Variants in DCDC1 observed in about 807,000 individuals in gnomAD.
DCDC1 encodes the protein doublecortin domain containing 1.
Under a neutral mutation model 178.3 loss-of-function variants are expected in DCDC1, and 200 were observed. That is an observed-to-expected ratio of 1.12 (90% CI 1.00 to 1.26). DCDC1 has a LOEUF of 1.26. Ranked by LOEUF, DCDC1 falls within the 50% of genes most tolerant of loss-of-function variation. DCDC1 has a pLI of 0.00. For synonymous variants in DCDC1, 690 were observed against 604.8 expected (o/e 1.14, Z -2.07); for missense variants, 1,983 against 1,749.2 (o/e 1.13, Z -2.38).
At chr11:30,970,093 G>A (rs963308292) in intron 20 of DCDC1, among the ~76,000 whole-genome samples, 1 of 152,218 alleles carries the variant, frequency 6.6e-6, no homozygotes, top group Non-Finnish European at 1.5e-5. Flanking sequence ...GGAATCTGGA[G>A]AGGATCCCCA....
intron 8 of DCDC1, among the ~76,000 whole-genome samples, chr11:31,251,943 G>T (rs1042896528): frequency 2.5e-4 from 38 of 152,108 alleles, no homozygotes. Flanking sequence ...AGTTGGGAAT[G>T]AAGAAACCAA....
At chr11:30,899,086 AT>A (rs1309126729) in intron 34 of DCDC1, among the ~76,000 whole-genome samples, 2 of 152,020 alleles carry the variant, frequency 1.3e-5, no homozygotes, top group African/African-American at 4.8e-5. Flanking sequence ...ACTTCTGAAG[AT>A]TTTAGTACTT....
chr11:30,913,500 G>GC (rs1250990360), intron 27 of DCDC1, among the ~76,000 whole-genome samples: 7 of 152,142 alleles, frequency 4.6e-5, no homozygotes, highest in African/African-American at 1.2e-4. Context: ...GTCCCACTGG[G>GC]CCCCCTGATG....
At chr11:30,911,625 G>A (rs966959016) in intron 27 of DCDC1, among the ~76,000 whole-genome samples, 2 of 152,182 alleles carry the variant, frequency 1.3e-5, no homozygotes, top group South Asian at 4.1e-4. Context: ...AGGATGAAGG[G>A]GCTCTCCTGC....
At chr11:31,333,468 T>A (rs900293979) in intron 2 of DCDC1, among the ~76,000 whole-genome samples, 2 of 152,238 alleles carry the variant, frequency 1.3e-5, no homozygotes, top group Admixed American at 6.5e-5. Context: ...AGTTTCTTCC[T>A]AGCATCAGTG....
intron 9 of DCDC1, among the ~76,000 whole-genome samples, chr11:31,213,285 G>C (rs183891526): frequency 2.1e-4 from 32 of 151,766 alleles, no homozygotes; most frequent in African/African-American, 1.9e-4. Flanking sequence ...ATGTCAAAAT[G>C]ATCTTTTCAA....
intron 1 of DCDC1, among the ~76,000 whole-genome samples, chr11:31,340,416 G>A (rs965451128): frequency 6.6e-6 from 1 of 152,154 alleles, no homozygotes; most frequent in East Asian, 1.9e-4. Context: ...CTGTAGCTGT[G>A]ATCTGGGGGA....
chr11:31,232,815 T>C (rs562954842), intron 9 of DCDC1, among the ~76,000 whole-genome samples: 72 of 152,076 alleles, frequency 4.7e-4, no homozygotes, highest in South Asian at 2.1e-3. Flanking sequence ...TTAAGAATCT[T>C]TGGTGGCTCA....
intron 20 of DCDC1, among the ~76,000 whole-genome samples, chr11:31,062,422 T>C (rs1419265765): frequency 6.6e-6 from 1 of 152,084 alleles, no homozygotes; most frequent in Non-Finnish European, 1.5e-5. Context: ...GATGTGAGAA[T>C]AGTGGAGAGG....
Position 30,922,530 on chromosome 11 carries a change from T to C in DCDC1, c.3106A>G (p.Ile1036Val), listed in dbSNP as rs1028178708. The C allele has an allele frequency of 6.4e-7, 1 of 1,572,354 alleles. No homozygotes were observed. Among genetic ancestry groups the C allele is most frequent in the African/African-American group, 1.4e-5 (1 of 72,084 alleles). ...TCTATTTTATGTGTGCTGCAGAAGA[T>C]TTGAATTTTGGCAATGTCTGATTCT... ...NLESDIAKIQ[I>V]FCSTHKIEAL... Residue 1036 changes from isoleucine (I) to valine (V), a missense_variant, in exon 24 of 39, where the codon ATC becomes GTC. Coordinates refer to ENST00000684477, the MANE Select transcript of DCDC1 (RefSeq NM_001387274.1).
In DCDC1 at chr11:30,909,078, C is replaced by T; in HGVS notation, c.3786G>A (p.Lys1262=). Reference sequence around the variant, plus strand: ...CTTTTATATTTTTCATGTAATGCCACTTTTGATTGGCAGCTCCATTGTTGT... The same window carrying T: ...CTTTTATATTTTTCATGTAATGCCATTTTTGATTGGCAGCTCCATTGTTGT... ...KPYNNGAANQ[K]WHYMKNIKAL... Residue 1262 remains lysine, a synonymous_variant, in exon 29 of 39, where the codon AAG becomes AAA. Transcript: ENST00000684477. The T allele has an allele frequency of 6.2e-7, 1 of 1,611,410 alleles. No homozygotes were observed. The highest frequency in any genetic ancestry group is 2.2e-5 in the East Asian group (1 of 44,730).
At chr11:31,149,537 T>A (rs208100) in intron 9 of DCDC1, among the ~76,000 whole-genome samples, 1 of 151,786 alleles carries the variant, frequency 6.6e-6, no homozygotes, top group Non-Finnish European at 1.5e-5. Context: ...CTGCTCGGGT[T>A]GGCTTCCACG....
chr11:31,191,787 A>G (rs530915126), intron 9 of DCDC1, among the ~76,000 whole-genome samples: 1 of 152,230 alleles, frequency 6.6e-6, no homozygotes, highest in Non-Finnish European at 1.5e-5. Context: ...CACGGTATTG[A>G]GAATTCACCA....
chr11:30,995,225 TG>T (rs535667279), intron 20 of DCDC1, among the ~76,000 whole-genome samples: 120 of 152,184 alleles, frequency 7.9e-4, no homozygotes, highest in African/African-American at 2.7e-3. Flanking sequence ...AGTATCTACG[TG>T]GTAAAAACTA....
At chr11:31,224,021 C>G (rs1309631349) in intron 9 of DCDC1, among the ~76,000 whole-genome samples, 2 of 151,954 alleles carry the variant, frequency 1.3e-5, no homozygotes, top group Non-Finnish European at 2.9e-5. Context: ...GAATAAGTCT[C>G]ATGAGATCTG....
At chr11:31,183,602 T>A (rs979034303) in intron 9 of DCDC1, among the ~76,000 whole-genome samples, 8 of 152,136 alleles carry the variant, frequency 5.3e-5, no homozygotes, top group East Asian at 3.9e-4. Context: ...GGATACAAAA[T>A]CAATGTGCAA....
At chr11:30,887,041 T>G (rs1943238935) in intron 36 of DCDC1, among the ~76,000 whole-genome samples, 3 of 152,174 alleles carry the variant, frequency 2.0e-5, no homozygotes. Flanking sequence ...TTTACTTGGT[T>G]TCTCCTAAGA....
chr11:31,187,644 A>C (rs893968669), intron 9 of DCDC1, among the ~76,000 whole-genome samples: 2 of 152,228 alleles, frequency 1.3e-5, no homozygotes, highest in Non-Finnish European at 2.9e-5. Context: ...GACTTCACAT[A>C]GCAGTATAAA....
At chr11:31,062,715 G>T (rs962209007) in intron 20 of DCDC1, among the ~76,000 whole-genome samples, 1 of 151,770 alleles carries the variant, frequency 6.6e-6, no homozygotes, top group Non-Finnish European at 1.5e-5. Context: ...CAGAAAAAAC[G>T]TTCCCTTCCT....
Sources: gnomAD v4.1 joint callset for allele counts (sites outside exome capture counted in the v4.1 genomes callset) on GRCh38, gnomAD v4.1.1 for gene constraint, MANE v1.5 for transcripts, NCBI Gene and HGNC (gene_info 2026-07-23, HGNC 2026-07-21) for gene names.